Variants in BCL9L observed in about 807,000 individuals in gnomAD.
The protein encoded by BCL9L is B-cell CLL/lymphoma 9-like protein.
Under a neutral mutation model 99.4 loss-of-function variants are expected in BCL9L, and 19 were observed. That is an observed-to-expected ratio of 0.19 (90% CI 0.13 to 0.28). BCL9L has a LOEUF of 0.28. BCL9L is among the 10% of genes least tolerant of loss of function. The pLI, the probability that BCL9L is intolerant of heterozygous loss-of-function variation, is 1.00. For missense variants in BCL9L, 2,023 were observed against 2,101.6 expected, an observed-to-expected ratio of 0.96 and a Z score of 0.73; for synonymous variants, 900 against 854.8, an observed-to-expected ratio of 1.05 and a Z score of -0.92.
At position 118,903,199 on chromosome 11, in the gene BCL9L, G is replaced by A. The variant is rs370234519; in HGVS notation, c.749+37C>T. Reference sequence around the variant, plus strand: ...CCCAGGCTGAGAGGTGCTGGGCAGAGAGAGAGAGAGACTTGGCCTGCCCAC... The same window carrying A: ...CCCAGGCTGAGAGGTGCTGGGCAGAAAGAGAGAGAGACTTGGCCTGCCCAC... On this transcript the variant is annotated intron_variant, in intron 6 of 9. Transcript: ENST00000683865. The surrounding 1 kb of genome is among the most constrained non-coding windows in gnomAD (Gnocchi z 5.6). 1.4e-6 allele frequency: 2 copies of A among 1,392,110 alleles called. No homozygotes were observed. The highest frequency in any genetic ancestry group is 9.7e-7 in the Non-Finnish European group (1 of 1,028,458). 86.2% of individuals were successfully genotyped at this position (1,392,110 alleles called of 1,614,324 possible).
Position 118,901,718 on chromosome 11 carries a change from A to G in BCL9L, c.2025T>C (p.Arg675=). The G allele has an allele frequency of 6.2e-7, 1 of 1,613,586 alleles. No individual in the cohort carries two copies. The highest frequency in any genetic ancestry group is 1.3e-5 in the African/African-American group (1 of 75,042). Reference sequence around the variant, plus strand: ...GCAGCTGGTGCCGCAGCAGCTCCTCACGGACCCGGGGAGTCATGAATCGCT... The same window carrying G: ...GCAGCTGGTGCCGCAGCAGCTCCTCGCGGACCCGGGGAGTCATGAATCGCT... ...EAERFMTPRV[R]EELLRHQLLE... is the part of the protein sequence containing the mutation. Residue 675 remains arginine (R), a synonymous_variant, in exon 8 of 10, where the codon CGT becomes CGC. Transcript: ENST00000683865. This position sits in a 1 kb window ranked among gnomAD's most constrained non-coding sequence, Gnocchi z 6.6.
At position 118,898,400 on chromosome 11, in the gene BCL9L, C is replaced by A. The variant is rs1313093714; in HGVS notation, c.*15G>T. On this transcript the variant is annotated 3_prime_UTR_variant, in exon 10 of 10. Transcript: ENST00000683865. ...ATTTGCAACATTGCCCCGGCTCCAG[C>A]CCTGGCAGCGACTTCTAGAAGGGCA... 2.9e-5 allele frequency: 46 copies of A among 1,585,788 alleles called. No homozygotes were observed. The highest frequency in any genetic ancestry group is 4.0e-5 in the Non-Finnish European group (46 of 1,163,036).
At chr11:118,908,704 G>A (rs1591990604) in intron 3 of BCL9L, 49 bp from the exon 4 acceptor site, 1 of 1,527,294 alleles carries the variant, frequency 6.5e-7, no homozygotes, top group Non-Finnish European at 8.8e-7. Flanking sequence ...CTAGGGGCTA[G>A]GCATGCCTGC....
chr11:118,900,081 T>C lies in BCL9L; in HGVS notation c.3242A>G (p.Gln1081Arg). Residue 1081 changes from glutamine (Q) to arginine (R), a missense_variant, in exon 9 of 10, where the codon CAG (glutamine) becomes CGG (arginine). Gln to Arg is a conservative substitution (Grantham distance 43, BLOSUM62 1). Around this residue, in one of 3 missense-constraint regions of BCL9L, gnomAD observed 902 missense variants for 888.2 expected, o/e 1.02. Coordinates refer to ENST00000683865, the MANE Select transcript of BCL9L (RefSeq NM_001378213.1). The surrounding 1 kb of genome is among the most constrained non-coding windows in gnomAD (Gnocchi z 5.3). ...FTSSPDPTPS[Q>R]NPLSLMMTQM... ...GGTCATCATCAGTGACAGGGGGTTC[T>C]GGGAAGGTGTGGGGTCTGGGGAGGA... 1.2e-6 allele frequency: 2 copies of C among 1,613,600 alleles called. No homozygotes were observed. The highest frequency in any genetic ancestry group is 1.7e-6 in the Non-Finnish European group (2 of 1,179,832).
chr11:118,897,480 A>C lies in BCL9L; in HGVS notation c.*935T>G, dbSNP rs1939961575. ...TGGGCAAACACACATGCACGTGCAC[A>C]CATGTTCTCCCTGAATCACTCAGCA... On this transcript the variant is annotated 3_prime_UTR_variant, in exon 10 of 10. Transcript: ENST00000683865. The C allele has an allele frequency of 3.2e-6, 1 of 316,280 alleles. No homozygotes were observed. The highest frequency in any genetic ancestry group is 2.2e-5 in the African/African-American group (1 of 44,824). 19.6% of individuals were successfully genotyped at this position (316,280 alleles called of 1,614,324 possible).
chr11:118,898,300 T>TCCC lies in BCL9L; in HGVS notation c.*112_*114dup. ...AATGCCACTCCCTACACAAGCCCCC[T>TCCC]CCCACCCCCTCCACCCCACCCCGCG... On this transcript the variant is annotated 3_prime_UTR_variant, in exon 10 of 10. Transcript: ENST00000683865. 5 of 185,484 alleles carry TCCC rather than the reference T, an allele frequency of 2.7e-5. No individual in the cohort carries two copies. Among genetic ancestry groups the TCCC allele is most frequent in the South Asian group, 9.3e-5 (2 of 21,476 alleles). The allele number at this position is 185,484 out of a possible 1,614,324, so 11.5% of individuals were successfully genotyped here.
At position 118,900,569 on chromosome 11, in the gene BCL9L, G is replaced by A. The variant is rs753358073; in HGVS notation, c.3124+50C>T. 1.2e-5 allele frequency: 18 copies of A among 1,552,950 alleles called. No individual in the cohort carries two copies. Among genetic ancestry groups the A allele is most frequent in the Non-Finnish European group, 3.5e-6 (4 of 1,152,770 alleles). ...TGCCCAGCCCCAGCATGGACACACT[G>A]CTCAGCGCCTGCCTGCCTGCCTGCC... On this transcript the variant is annotated intron_variant, in intron 8 of 9. Transcript: ENST00000683865. The surrounding 1 kb of genome is among the most constrained non-coding windows in gnomAD (Gnocchi z 5.3).
At chr11:118,904,112 G>A (rs1294857376) in intron 5 of BCL9L, among the ~76,000 whole-genome samples, 4 of 152,148 alleles carry the variant, frequency 2.6e-5, no homozygotes, top group Admixed American at 6.6e-5. Flanking sequence ...TTAACAGTAA[G>A]TTTAAATCAA....
In BCL9L at chr11:118,914,555, G is replaced by A. The variant is rs1332177941; in HGVS notation, c.-77+4271C>T. On this transcript the variant is annotated intron_variant, in intron 2 of 9. Coordinates refer to ENST00000683865, the MANE Select transcript of BCL9L (RefSeq NM_001378213.1). This position sits in a 1 kb window ranked among gnomAD's most constrained non-coding sequence, Gnocchi z 4.4. ...GACTGTCATGACCCTCCAGGATGCA[G>A]GGGCACGTGGGCCAGGCCGGGAGGG... Among the ~76,000 whole-genome samples, 1 of 152,226 alleles carries A rather than the reference G, an allele frequency of 6.6e-6. No homozygotes were observed. The highest frequency in any genetic ancestry group is 1.5e-5 in the Non-Finnish European group (1 of 68,038).
Position 118,898,294 on chromosome 11 carries a change from G to GCCCCCACCCCCCCCCCCCCCCC in BCL9L, c.*120_*121insGGGGGGGGGGGGGGGGTGGGGG. On this transcript the variant is annotated 3_prime_UTR_variant, in exon 10 of 10. Transcript: ENST00000683865. ...TCCACAAATGCCACTCCCTACACAA[G>GCCCCCACCCCCCCCCCCCCCCC]CCCCCTCCCACCCCCTCCACCCCAC... The GCCCCCACCCCCCCCCCCCCCCC allele has an allele frequency of 1.1e-5, 5 of 452,312 alleles. 1 individual carries two copies. In the East Asian group the frequency reaches 1.7e-4, roughly 16 times the overall value. 28.0% of individuals were successfully genotyped at this position (452,312 alleles called of 1,614,324 possible).
intron 9 of BCL9L, 103 bp downstream of exon 9, chr11:118,899,813 AG>A (rs1376259630): frequency 6.3e-6 from 9 of 1,437,014 alleles, no homozygotes; most frequent in East Asian, 5.0e-5. Context: ...CCCCACACCC[AG>A]GGCCTTCAGA....
rs191337042 is a variant in BCL9L, at chr11:118,903,849, C to T, written c.533-397G>A. Among the ~76,000 whole-genome samples the T allele has an allele frequency of 1.3e-5, 2 of 152,170 alleles. No individual in the cohort carries two copies. Among genetic ancestry groups the T allele is most frequent in the African/African-American group, 2.4e-5 (1 of 41,434 alleles). On this transcript the variant is annotated intron_variant, in intron 5 of 9. Transcript: ENST00000683865. This position sits in a 1 kb window ranked among gnomAD's most constrained non-coding sequence, Gnocchi z 5.6. Reference sequence around the variant, plus strand: ...ACCCAGGGCCGGGACTCTGAAGCTCCGCTCTGAGCTGCTGCCCCTCTCACT... The same window carrying T: ...ACCCAGGGCCGGGACTCTGAAGCTCTGCTCTGAGCTGCTGCCCCTCTCACT...
At chr11:118,918,445 G>A (rs981778502) in intron 2 of BCL9L, among the ~76,000 whole-genome samples, 3 of 150,866 alleles carry the variant, frequency 2.0e-5, no homozygotes, top group African/African-American at 7.3e-5. Flanking sequence ...GGATAACCAG[G>A]AAGTTGTACC....
intron 9 of BCL9L, 138 bp downstream of exon 9, chr11:118,899,779 G>C: frequency 1.6e-6 from 2 of 1,284,856 alleles, no homozygotes; most frequent in Non-Finnish European, 2.1e-6. Flanking sequence ...CCAGCGAGTG[G>C]GAACAGCATC....
At chr11:118,919,790 A>G (rs1028878404) in intron 1 of BCL9L, among the ~76,000 whole-genome samples, 2 of 152,180 alleles carry the variant, frequency 1.3e-5, no homozygotes, top group African/African-American at 4.8e-5. Flanking sequence ...CTACCAGCAT[A>G]AGGCTGGTTC....
At position 118,901,058 on chromosome 11, in the gene BCL9L, C is replaced by T. The variant is rs138822129; in HGVS notation, c.2685G>A (p.Ala895=). ...TRLSHMPLPP[A]SNPPGTVHSA... is the part of the protein sequence containing the mutation. The stretch of plus-strand genomic sequence containing the variant: ...AATGCACGGTCCCAGGAGGATTGGA[C>T]GCAGGGGGCAGAGGCATGTGGCTGA... The change falls in exon 8 of 10, where the codon GCG becomes GCA. Residue 895 remains alanine (A), a synonymous_variant. Transcript: ENST00000683865. This position sits in a 1 kb window ranked among gnomAD's most constrained non-coding sequence, Gnocchi z 6.6. The T allele has an allele frequency of 1.9e-5, 31 of 1,598,018 alleles. 2 individuals carry two copies. The South Asian group carries it at 3.1e-4, about 16-fold the overall frequency.
rs372379549 is a variant in BCL9L at position 118,899,996 on chromosome 11, G to A, written c.3327C>T (p.Thr1109=). The A allele has an allele frequency of 6.2e-6, 10 of 1,613,982 alleles. No homozygotes were observed. The highest frequency in any genetic ancestry group is 1.3e-5 in the African/African-American group (1 of 74,908). ...STPLYHNAIK[T]IATSDDELLP... ...GCAGCTCGTCGTCTGAGGTGGCGAT[G>A]GTCTTGATGGCATTGTGGTAGAGCG... Residue 1109 remains threonine, a synonymous_variant, in exon 9 of 10, where the codon ACC becomes ACT. Transcript: ENST00000683865.
In BCL9L at chr11:118,909,983, G is replaced by T. The variant is rs373289537; in HGVS notation, c.-44C>A. ...GGCTACGGCCCCTGTGCGTGCCCAGGGCCCAGCCAGGTACTCGGTACTGGA... is the reference window on the plus strand; with the variant it reads ...GGCTACGGCCCCTGTGCGTGCCCAGTGCCCAGCCAGGTACTCGGTACTGGA... On this transcript the variant is annotated 5_prime_UTR_variant, in exon 3 of 10. Coordinates refer to ENST00000683865, the MANE Select transcript of BCL9L (RefSeq NM_001378213.1). The T allele has an allele frequency of 6.2e-7, 1 of 1,613,638 alleles. No homozygotes were observed. Among genetic ancestry groups the T allele is most frequent in the Non-Finnish European group, 8.5e-7 (1 of 1,179,784 alleles).
In BCL9L at chr11:118,899,406, G is replaced by A; in HGVS notation, c.3509C>T (p.Pro1170Leu). ...GGGGGAGGGCAGCATGGCGGGCGGG[G>A]GCTCATGGGACAGGGGCTGCTGGCC... is the stretch of plus-strand genomic sequence containing the variant. ...LPGQQPLSHEPPPAMLPSPTP... is the reference protein window; with the variant it reads ...LPGQQPLSHELPPAMLPSPTP... Residue 1170 changes from proline (P) to leucine (L), a missense_variant, in exon 10 of 10, where the codon CCC becomes CTC. This residue lies in a region of BCL9L where 902 missense variants were observed against 888.2 expected (regional missense o/e 1.02). Coordinates refer to ENST00000683865, the MANE Select transcript of BCL9L (RefSeq NM_001378213.1). 6.3e-7 allele frequency: 1 copy of A among 1,590,832 alleles called. No individual in the cohort carries two copies. Among genetic ancestry groups the A allele is most frequent in the Non-Finnish European group, 8.5e-7 (1 of 1,170,592 alleles).
Sources: gnomAD v4.1 joint callset for allele counts (sites outside exome capture counted in the v4.1 genomes callset) on GRCh38, gnomAD v4.1.1 for gene constraint, gnomAD v4.1.1 regional missense constraint, Gnocchi (gnomAD v3.1) non-coding constraint, MANE v1.5 for transcripts, NCBI Gene and HGNC (gene_info 2026-07-23, HGNC 2026-07-21) for gene names.